Variants in PRAG1 observed in about 807,000 individuals in gnomAD.
The protein encoded by PRAG1 is inactive tyrosine-protein kinase PRAG1.
Under a neutral mutation model 95.6 loss-of-function variants are expected in PRAG1, and 110 were observed. The ratio of observed to expected loss-of-function variants is 1.15; its 90% CI spans 0.99 to 1.35. PRAG1 has a LOEUF of 1.35. Ranked by LOEUF, PRAG1 falls within the 40% of genes most tolerant of loss-of-function variation. The probability of loss-of-function intolerance (pLI) is 0.00; values close to 1 mark genes in which losing one functional copy is unlikely to be tolerated. For missense variants in PRAG1, 2,554 were observed against 1,864.7 expected (o/e 1.37, Z -6.81); for synonymous variants, 1,052 against 819.4 (o/e 1.28, Z -4.85).
At position 8,328,245 on chromosome 8, in the gene PRAG1, T is replaced by C. The variant is rs762410274; in HGVS notation, c.2537A>G (p.Lys846Arg). 10 of 1,614,084 alleles carry C rather than the reference T, an allele frequency of 6.2e-6. No individual in the cohort carries two copies. Among genetic ancestry groups the C allele is most frequent in the African/African-American group, 4.0e-5 (3 of 74,930 alleles). The change falls in exon 5 of 6, where the codon AAG becomes AGG. Residue 846 changes from lysine to arginine, a missense_variant. Lys to Arg is a conservative substitution (Grantham distance 26, BLOSUM62 2). Transcript: ENST00000615670. ...GGTTTCCGAGTGGCTTAGGTTCAGC[T>C]TGGGGCTTGCTGTTCCGGGCTTGGG... is the stretch of plus-strand genomic sequence containing the variant. ...GSPKPGTASP[K>R]LNLSHSETNV...
chr8:8,380,062 C>G (rs979032068), intron 2 of PRAG1, among the ~76,000 whole-genome samples: 1 of 151,498 alleles, frequency 6.6e-6, no homozygotes, highest in Non-Finnish European at 1.5e-5. Flanking sequence ...TAAGACCAGC[C>G]TGGGCAAGAC....
chr8:8,368,236 G>T (rs942409611), intron 3 of PRAG1, among the ~76,000 whole-genome samples: 2 of 152,318 alleles, frequency 1.3e-5, no homozygotes, highest in African/African-American at 4.8e-5. Context: ...CTTCGGCCTG[G>T]AAGCTCCTCT....
intron 2 of PRAG1, among the ~76,000 whole-genome samples, chr8:8,381,038 C>T (rs1384600616): frequency 1.3e-5 from 2 of 151,960 alleles, no homozygotes; most frequent in Non-Finnish European, 2.9e-5. Flanking sequence ...TTGATGGTTG[C>T]TGAAGTTCAT....
intron 3 of PRAG1, among the ~76,000 whole-genome samples, chr8:8,361,611 A>G (rs1029015942): frequency 1.3e-5 from 2 of 152,170 alleles, no homozygotes; most frequent in Non-Finnish European, 2.9e-5. Flanking sequence ...TAATCAATCT[A>G]TTTCTTCTTG....
rs749179881 is a variant in PRAG1 at position 8,381,762 on chromosome 8, G to C, written c.-15C>G. The C allele has an allele frequency of 2.6e-6, 4 of 1,555,982 alleles. No individual in the cohort carries two copies. Among genetic ancestry groups the C allele is most frequent in the Non-Finnish European group, 3.5e-6 (4 of 1,146,946 alleles). On this transcript the variant is annotated 5_prime_UTR_variant, in exon 2 of 6. Coordinates refer to ENST00000615670, the MANE Select transcript of PRAG1 (RefSeq NM_001080826.3). ...GTCTGGTGCATCTTGAGCCGACAGGGTGCTGGTTCATCTTGCGCCCGGCTC... is the reference window on the plus strand; with the variant it reads ...GTCTGGTGCATCTTGAGCCGACAGGCTGCTGGTTCATCTTGCGCCCGGCTC...
At chr8:8,322,220 G>T (rs544118622) in intron 5 of PRAG1, among the ~76,000 whole-genome samples, 3 of 151,886 alleles carry the variant, frequency 2.0e-5, no homozygotes, top group African/African-American at 7.3e-5. Flanking sequence ...TCTCTCTGTC[G>T]CCCAGGCTGG....
At chr8:8,374,515 G>C (rs541067415) in intron 3 of PRAG1, 1 of 359,998 alleles carries the variant, frequency 2.8e-6, no homozygotes, top group East Asian at 1.7e-4. Flanking sequence ...TTCTATCTCT[G>C]CTTTGTCATC....
At chr8:8,339,661 C>G (rs1391998169) in intron 3 of PRAG1, 26 bp from the exon 4 acceptor site, 2 of 1,590,528 alleles carry the variant, frequency 1.3e-6, no homozygotes, top group African/African-American at 2.7e-5. Flanking sequence ...ACAAACAATA[C>G]AAATAACTCA....
At chr8:8,344,630 C>T (rs1799275276) in intron 3 of PRAG1, among the ~76,000 whole-genome samples, 1 of 152,192 alleles carries the variant, frequency 6.6e-6, no homozygotes, top group Non-Finnish European at 1.5e-5. Flanking sequence ...GGAACACCTG[C>T]AGGTCAGTTA....
intron 5 of PRAG1, among the ~76,000 whole-genome samples, chr8:8,319,694 C>G (rs1234085996): frequency 6.6e-6 from 1 of 152,096 alleles, no homozygotes; most frequent in Non-Finnish European, 1.5e-5. Flanking sequence ...TCTTTTACAA[C>G]TCAGTAAGAC....
chr8:8,368,984 G>C (rs1346751230), intron 3 of PRAG1, among the ~76,000 whole-genome samples: 1 of 151,804 alleles, frequency 6.6e-6, no homozygotes, highest in African/African-American at 2.4e-5. Context: ...ACAATCATTG[G>C]AGAGTAATTA....
In PRAG1 at chr8:8,377,918, A is replaced by G; in HGVS notation, c.491T>C (p.Leu164Pro). ...RCPPAYTMVG[L>P]HNLEPRGERN... ...CTCGCCGCGGGGCTCAAGGTTGTGCAGGCCGACCATGGTGTAAGCTGGGGG... is the reference window on the plus strand; with the variant it reads ...CTCGCCGCGGGGCTCAAGGTTGTGCGGGCCGACCATGGTGTAAGCTGGGGG... The change falls in exon 3 of 6, where the codon CTG becomes CCG. Residue 164 changes from leucine to proline, a missense_variant. Transcript: ENST00000615670. 19 of 1,614,056 alleles carry G rather than the reference A, an allele frequency of 1.2e-5. No individual in the cohort carries two copies. The highest frequency in any genetic ancestry group is 1.6e-5 in the Non-Finnish European group (19 of 1,180,018).
intron 4 of PRAG1, among the ~76,000 whole-genome samples, chr8:8,338,827 C>T (rs7007943): frequency 0.097 from 14,758 of 152,076 alleles, 805 homozygotes; most frequent in Middle Eastern, 0.13. Flanking sequence ...CTAAGAGAAA[C>T]GCAGGAGAGG....
chr8:8,363,667 A>G (rs769496845), intron 3 of PRAG1, among the ~76,000 whole-genome samples: 1 of 152,188 alleles, frequency 6.6e-6, no homozygotes, highest in Non-Finnish European at 1.5e-5. Context: ...AACTACTATT[A>G]AACTTTATAC....
At chr8:8,386,214 C>CG in intron 1 of PRAG1, 107 bp downstream of exon 1, 1 of 152,278 alleles carries the variant, frequency 6.6e-6, no homozygotes. Flanking sequence ...CCTGTCACCC[C>CG]GGGGGTAGCC....
rs55764095 is a variant in PRAG1 at position 8,328,217 on chromosome 8, G to A, written c.2565C>T (p.Asn855=). The A allele has an allele frequency of 7.1e-5, 114 of 1,614,238 alleles. No individual in the cohort carries two copies. Among genetic ancestry groups the A allele is most frequent in the East Asian group, 3.6e-4 (16 of 44,888 alleles). ...AGCTAAAGTGAGATTCGTCGTGGAC[G>A]TTGGTTTCCGAGTGGCTTAGGTTCA... is the stretch of plus-strand genomic sequence containing the variant. The part of the protein sequence containing the change: ...PKLNLSHSET[N]VHDESHFSYS... The change falls in exon 5 of 6, where the codon AAC becomes AAT. Residue 855 remains asparagine, a synonymous_variant. Transcript: ENST00000615670.
chr8:8,360,649 A>G (rs1799815484), intron 3 of PRAG1, among the ~76,000 whole-genome samples: 1 of 152,238 alleles, frequency 6.6e-6, no homozygotes, highest in Admixed American at 6.5e-5. Context: ...TCTTAGTAAC[A>G]AAGTGCAGTT....
In PRAG1 at chr8:8,328,071, C is replaced by T. The variant is rs1400468226; in HGVS notation, c.2711G>A (p.Gly904Asp). The T allele has an allele frequency of 6.2e-7, 1 of 1,601,774 alleles. No homozygotes were observed. The highest frequency in any genetic ancestry group is 8.5e-7 in the Non-Finnish European group (1 of 1,172,932). ...GCACTGGAGGCCAGGGCTCCCGCAGCCGCCTCTGTTGCCCGCCAGCCCTGC... is the reference window on the plus strand; with the variant it reads ...GCACTGGAGGCCAGGGCTCCCGCAGTCGCCTCTGTTGCCCGCCAGCCCTGC... ...PAAGLAGNRG[G>D]CGSPGLQCKG... Residue 904 changes from glycine to aspartate, a missense_variant, in exon 5 of 6, where the codon GGC becomes GAC. By Grantham distance (94) the Gly-to-Asp change is moderately conservative (BLOSUM62 -1). Coordinates refer to ENST00000615670, the MANE Select transcript of PRAG1 (RefSeq NM_001080826.3).
chr8:8,365,773 G>A (rs1231010514), intron 3 of PRAG1, among the ~76,000 whole-genome samples: 1 of 150,498 alleles, frequency 6.6e-6, no homozygotes, highest in Admixed American at 6.7e-5. Context: ...GACCAGCCTG[G>A]CCAATGTGGT....
Sources: gnomAD v4.1 joint callset for allele counts (sites outside exome capture counted in the v4.1 genomes callset) on GRCh38, gnomAD v4.1.1 for gene constraint, MANE v1.5 for transcripts, NCBI Gene and HGNC (gene_info 2026-07-23, HGNC 2026-07-21) for gene names.